ZFAND2B: variants seen among roughly 807,000 people sequenced by gnomAD.
ZFAND2B encodes AN1-type zinc finger protein 2B.
In ZFAND2B, 27 loss-of-function variants were observed where a neutral mutation model predicts 38.2. The observed-to-expected ratio is 0.71, with a 90% CI of 0.52 to 0.97. The LOEUF (loss-of-function observed/expected upper bound fraction) is 0.97. ZFAND2B is among the 50% of genes least tolerant of loss of function. ZFAND2B has a pLI of 0.00. For synonymous variants in ZFAND2B, 111 were observed against 119.4 expected (o/e 0.93, Z 0.46); for missense variants, 303 against 331.5 (o/e 0.91, Z 0.67).
At position 219,209,501 on chromosome 2, in the gene ZFAND2B, C is replaced by G. The variant is rs752373888; in HGVS notation, c.*195C>G. The G allele has an allele frequency of 8.1e-6, 6 of 745,094 alleles. No individual in the cohort carries two copies. Among genetic ancestry groups the G allele is most frequent in the Non-Finnish European group, 1.5e-5 (6 of 413,710 alleles). The allele number at this position is 745,094 out of a possible 1,614,324, so 46.2% of individuals were successfully genotyped here. On this transcript the variant is annotated 3_prime_UTR_variant, in exon 9 of 9. Transcript: ENST00000289528. ...TGGAAGAGAGCGGCTAGCAACTGTT[C>G]CCTGGTTGGGCCCTCAGTGGATGCT...
In ZFAND2B at chr2:219,209,291, C is replaced by T. The variant is rs1390782108; in HGVS notation, c.759C>T (p.Asn253=). Reference sequence around the variant, plus strand: ...AGAGCCGCAGCTCGAAGCCGTCCAACTGCAGCCTGTGCTAGGGCCCTGGGC... The same window carrying T: ...AGAGCCGCAGCTCGAAGCCGTCCAATTGCAGCCTGTGCTAGGGCCCTGGGC... ...QAQSRSSKPS[N]CSLC Residue 253 remains asparagine (N), a synonymous_variant, in exon 9 of 9, where the codon AAC becomes AAT. Coordinates refer to ENST00000289528, the MANE Select transcript of ZFAND2B (RefSeq NM_138802.3). The T allele has an allele frequency of 1.2e-6, 2 of 1,611,264 alleles. No homozygotes were observed. Among genetic ancestry groups the T allele is most frequent in the Non-Finnish European group, 8.5e-7 (1 of 1,179,234 alleles).
rs1467888199 is a variant in ZFAND2B at position 219,208,760 on chromosome 2, A to G, written c.656+121A>G. ...TCGCTGGCAACTTGGTCTCAAAATT[A>G]AGATGAACTATATGATCTTTGACAA... On this transcript the variant is annotated intron_variant, in intron 7 of 8. Coordinates refer to ENST00000289528, the MANE Select transcript of ZFAND2B (RefSeq NM_138802.3). 4 of 1,220,012 alleles carry G rather than the reference A, an allele frequency of 3.3e-6. No homozygotes were observed. In the East Asian group the frequency reaches 9.6e-5, roughly 29 times the overall value. The allele number at this position is 1,220,012 out of a possible 1,614,324, so 75.6% of individuals were successfully genotyped here.
chr2:219,208,142 C>T, intron 4 of ZFAND2B, 104 bp downstream of exon 4: 4 of 1,592,912 alleles, frequency 2.5e-6, no homozygotes, highest in African/African-American at 2.7e-5. Context: ...ACCCTGTCGG[C>T]TAGGGGAGTC....
At chr2:219,209,112 T>A (rs1950536924) in intron 8 of ZFAND2B, 63 bp downstream of exon 8, 2 of 1,602,944 alleles carry the variant, frequency 1.2e-6, no homozygotes, top group African/African-American at 1.3e-5. Context: ...GGGATGGGGG[T>A]TCTTCCTAGT....
rs1359445288 is a variant in ZFAND2B at position 219,206,968 on chromosome 2, A to C, written c.-20A>C. 1 of 1,612,018 alleles carries C rather than the reference A, an allele frequency of 6.2e-7. No homozygotes were observed. Among genetic ancestry groups the C allele is most frequent in the African/African-American group, 1.3e-5 (1 of 74,842 alleles). On this transcript the variant is annotated 5_prime_UTR_variant, in exon 1 of 9. Transcript: ENST00000289528. ...CTCAGCACTCGTCGCTTCTCCTAGC[A>C]GACCCTGCCCGGCTTGGCGATGGAG...
rs548134614 is a variant in ZFAND2B, at chr2:219,209,487, G to A, written c.*181G>A. The A allele has an allele frequency of 1.4e-5, 11 of 777,488 alleles. 1 individual carries two copies. Among genetic ancestry groups the A allele is most frequent in the Admixed American group, 1.0e-4 (5 of 49,836 alleles). 48.2% of individuals were successfully genotyped at this position (777,488 alleles called of 1,614,324 possible). On this transcript the variant is annotated 3_prime_UTR_variant, in exon 9 of 9. Transcript: ENST00000289528. ...GTGCTCCAGCTGCATGGAAGAGAGC[G>A]GCTAGCAACTGTTCCCTGGTTGGGC...
chr2:219,207,402 G>A lies in ZFAND2B; in HGVS notation c.131G>A (p.Cys44Tyr), dbSNP rs1950502744. ...ADHVAYAQHH[C>Y]GSAYQKDIQV... ...CATGTGGCCTACGCCCAGCATCACTGTGGATCTGCTTACCAAAAGGTGAGG... is the reference window on the plus strand; with the variant it reads ...CATGTGGCCTACGCCCAGCATCACTATGGATCTGCTTACCAAAAGGTGAGG... The change falls in exon 2 of 9, where the codon TGT (cysteine) becomes TAT (tyrosine). Residue 44 changes from cysteine to tyrosine, a missense_variant. Physicochemically the swap from Cys to Tyr is radical, Grantham distance 194 (BLOSUM62 -2). Transcript: ENST00000289528. 1 of 1,610,812 alleles carries A rather than the reference G, an allele frequency of 6.2e-7. No homozygotes were observed. The highest frequency in any genetic ancestry group is 1.3e-5 in the African/African-American group (1 of 74,872).
At position 219,206,849 on chromosome 2, in the gene ZFAND2B, A is replaced by T. The variant is rs1197890767; in HGVS notation, c.-139A>T. 4.4e-6 allele frequency: 4 copies of T among 902,432 alleles called. No individual in the cohort carries two copies. Among genetic ancestry groups the T allele is most frequent in the Non-Finnish European group, 6.2e-6 (4 of 644,976 alleles). 55.9% of individuals were successfully genotyped at this position (902,432 alleles called of 1,614,324 possible). A position where few individuals can be genotyped will look rare whatever the true frequency, so the allele number is the denominator to read the frequency against. On this transcript the variant is annotated 5_prime_UTR_variant, in exon 1 of 9. Coordinates refer to ENST00000289528, the MANE Select transcript of ZFAND2B (RefSeq NM_138802.3). ...GCCGGCTGGCGCGGGGGCTCCGGTAACCCGGGCTGGGCGGGGGAGAGGAAG... is the reference window on the plus strand; with the variant it reads ...GCCGGCTGGCGCGGGGGCTCCGGTATCCCGGGCTGGGCGGGGGAGAGGAAG...
At position 219,209,432 on chromosome 2, in the gene ZFAND2B, C is replaced by T. The variant is rs551860047; in HGVS notation, c.*126C>T. On this transcript the variant is annotated 3_prime_UTR_variant, in exon 9 of 9. Coordinates refer to ENST00000289528, the MANE Select transcript of ZFAND2B (RefSeq NM_138802.3). ...AGACAAGCGGGAGTGATGTGGAGGT[C>T]GCCCTGGGAGCCTCTGGAAGGCCTT... 7.2e-5 allele frequency: 87 copies of T among 1,204,404 alleles called. No homozygotes were observed. The highest frequency in any genetic ancestry group is 9.0e-5 in the African/African-American group (6 of 66,502). 74.6% of individuals were successfully genotyped at this position (1,204,404 alleles called of 1,614,324 possible).
rs779802428 is a variant in ZFAND2B at position 219,207,663 on chromosome 2, G to A, written c.166G>A (p.Val56Met). The A allele has an allele frequency of 6.2e-7, 1 of 1,614,236 alleles. No individual in the cohort carries two copies. Among genetic ancestry groups the A allele is most frequent in the Non-Finnish European group, 8.5e-7 (1 of 1,180,046 alleles). The change falls in exon 3 of 9, where the codon GTG (valine) becomes ATG (methionine). Residue 56 changes from valine to methionine, a missense_variant. Coordinates refer to ENST00000289528, the MANE Select transcript of ZFAND2B (RefSeq NM_138802.3). ...SAYQKDIQVP[V>M]CPLCNVPVPV... Reference sequence around the variant, plus strand: ...TTGACTACAGGATATCCAGGTACCTGTGTGCCCTCTCTGTAATGTGCCTGT... The same window carrying A: ...TTGACTACAGGATATCCAGGTACCTATGTGCCCTCTCTGTAATGTGCCTGT...
intron 8 of ZFAND2B, 42 bp downstream of exon 8, chr2:219,209,091 G>A (rs1018105695): frequency 1.2e-6 from 2 of 1,611,490 alleles, no homozygotes; most frequent in African/African-American, 1.3e-5. Context: ...GTGGAAGGGA[G>A]GAAGAAGTCA....
In ZFAND2B at chr2:219,207,752, C is replaced by A; in HGVS notation, c.255C>A (p.Arg85=). 6.2e-7 allele frequency: 1 copy of A among 1,614,172 alleles called. No homozygotes were observed. Among genetic ancestry groups the A allele is most frequent in the Non-Finnish European group, 8.5e-7 (1 of 1,180,044 alleles). The change falls in exon 3 of 9, where the codon CGC becomes CGA. Residue 85 remains arginine (R), a synonymous_variant. Transcript: ENST00000289528. ...GAGAGCACATTGACAGAGACTGTCG[C>A]TCTGATCCAGCACAGCAAAAACGTA... is the stretch of plus-strand genomic sequence containing the variant. The part of the protein sequence containing the change: ...AVGEHIDRDC[R]SDPAQQKRKI...
intron 7 of ZFAND2B, 132 bp from the exon 8 acceptor site, chr2:219,208,845 C>T: frequency 9.2e-7 from 1 of 1,092,560 alleles, no homozygotes; most frequent in South Asian, 1.4e-5. Flanking sequence ...CTAATACCCA[C>T]CTTGTAGTGT....
intron 1 of ZFAND2B, 52 bp from the exon 2 acceptor site, chr2:219,207,275 G>A: frequency 6.3e-7 from 1 of 1,576,858 alleles, no homozygotes; most frequent in Non-Finnish European, 8.7e-7. Flanking sequence ...TTGAGTGAGA[G>A]AGAAGGACAT....
chr2:219,207,802 A>G (rs1950510217), intron 3 of ZFAND2B, 23 bp downstream of exon 3: 1 of 1,613,948 alleles, frequency 6.2e-7, no homozygotes, highest in East Asian at 2.2e-5. Context: ...GGGGTCAGCC[A>G]CAACCCAGCT....
At position 219,206,862 on chromosome 2, in the gene ZFAND2B, G is replaced by T. The variant is rs920364446; in HGVS notation, c.-126G>T. On this transcript the variant is annotated 5_prime_UTR_variant, in exon 1 of 9. Transcript: ENST00000289528. ...GGGGCTCCGGTAACCCGGGCTGGGC[G>T]GGGGAGAGGAAGGGGCGGGGCAGGG... The T allele has an allele frequency of 8.4e-6, 9 of 1,073,792 alleles. No individual in the cohort carries two copies. Among genetic ancestry groups the T allele is most frequent in the African/African-American group, 8.4e-5 (5 of 59,734 alleles). The allele number at this position is 1,073,792 out of a possible 1,614,324, so 66.5% of individuals were successfully genotyped here.
intron 8 of ZFAND2B, 34 bp downstream of exon 8, chr2:219,209,083 G>C (rs1008136246): frequency 6.2e-7 from 1 of 1,612,080 alleles, no homozygotes; most frequent in African/African-American, 1.3e-5. Context: ...ATGCTGCAGT[G>C]GAAGGGAGGA....
At chr2:219,207,515 C>T (rs1247408272) in intron 2 of ZFAND2B, 94 bp downstream of exon 2, 2 of 1,583,318 alleles carry the variant, frequency 1.3e-6, no homozygotes, top group African/African-American at 1.3e-5. Flanking sequence ...CCCTTTTGTC[C>T]TTCTGAGGCT....
intron 1 of ZFAND2B, 108 bp from the exon 2 acceptor site, chr2:219,207,219 C>A: frequency 1.4e-6 from 2 of 1,396,156 alleles, no homozygotes; most frequent in Non-Finnish European, 2.0e-6. Context: ...TGGGAAGGGG[C>A]GGTGTGTCGA....
Sources: allele counts gnomAD v4.1 joint callset, GRCh38; gene constraint gnomAD v4.1.1; transcripts MANE v1.5; gene names NCBI Gene and HGNC (gene_info 2026-07-23, HGNC 2026-07-21).